Variants in PARP4 observed in about 807,000 individuals in gnomAD.
PARP4 encodes the protein poly(ADP-ribose) polymerase family member 4.
A neutral mutation model predicts 187.7 loss-of-function variants in PARP4; 120 were observed. The ratio of observed to expected loss-of-function variants is 0.64; its 90% CI spans 0.55 to 0.74. The LOEUF (loss-of-function observed/expected upper bound fraction) is 0.74, where lower values mean the gene tolerates loss of function less well. PARP4 is among the 30% of genes least tolerant of loss of function. The pLI is 0.00. For missense variants in PARP4, 1,836 were observed against 2,070.5 expected, an observed-to-expected ratio of 0.89 and a Z score of 2.20; for synonymous variants, 654 against 740.9, an observed-to-expected ratio of 0.88 and a Z score of 1.90.
At chr13:24,499,888 G>A (rs1244584371) in intron 4 of PARP4, among the ~76,000 whole-genome samples, 2 of 151,986 alleles carry the variant, frequency 1.3e-5, no homozygotes, top group African/African-American at 2.4e-5. Context: ...CGATGTTTTG[G>A]GTATGCTTTA....
chr13:24,428,038 A>G (rs1210852479), intron 32 of PARP4, among the ~76,000 whole-genome samples: 3 of 152,214 alleles, frequency 2.0e-5, no homozygotes, highest in African/African-American at 4.8e-5. Context: ...GAAGAAGAGG[A>G]TAAAAGACAA....
At chr13:24,472,370 G>T (rs909007732) in intron 15 of PARP4, among the ~76,000 whole-genome samples, 3 of 152,146 alleles carry the variant, frequency 2.0e-5, no homozygotes, top group African/African-American at 7.2e-5. Flanking sequence ...TTGAGGATGT[G>T]TGTATGGGTC....
chr13:24,440,971 C>T (rs1288305765), intron 30 of PARP4, among the ~76,000 whole-genome samples: 8 of 152,058 alleles, frequency 5.3e-5, no homozygotes, highest in Admixed American at 5.2e-4. Context: ...TTCCTAGGTG[C>T]AAGCATCCTC....
In PARP4 at chr13:24,503,722, G is replaced by T. The variant is rs1222225293; in HGVS notation, c.55C>A (p.Pro19Thr). The change falls in exon 2 of 34, where the codon CCT becomes ACT. Residue 19 changes from proline to threonine, a missense_variant. Coordinates refer to ENST00000381989, the MANE Select transcript of PARP4 (RefSeq NM_006437.4). ...CIFCLKVKYL[P>T]QQQKKKLQTD... ...TGTAGCTTTTTCTTCTGCTGCTGAG[G>T]TAAGTACTTCACTTTCAAACAGAAG... 6.2e-7 allele frequency: 1 copy of T among 1,613,766 alleles called. No homozygotes were observed. The highest frequency in any genetic ancestry group is 8.5e-7 in the Non-Finnish European group (1 of 1,179,690).
chr13:24,504,307 CTTTTTTTTTTT>C (rs11434017), intron 1 of PARP4, among the ~76,000 whole-genome samples: 2 of 87,356 alleles, frequency 2.3e-5, no homozygotes, highest in African/African-American at 9.5e-5. Context: ...CATTTAGGTT[CTTTTTTTTTTT>C]TTTTTTTTTT....
chr13:24,484,959 T>C (rs17384871), intron 11 of PARP4, among the ~76,000 whole-genome samples: 56,521 of 152,126 alleles, frequency 0.37, 10,826 homozygotes, highest in Middle Eastern at 0.43. Flanking sequence ...GGAGATTGAA[T>C]GAATTTTGTA....
At position 24,503,749 on chromosome 13, in the gene PARP4, T is replaced by C. The variant is rs1869444162; in HGVS notation, c.28A>G (p.Ile10Val). Reference sequence around the variant, plus strand: ...AAGTACTTCACTTTCAAACAGAAGATACAATTTGCAAAGATTCCCATCACC... The same window carrying C: ...AAGTACTTCACTTTCAAACAGAAGACACAATTTGCAAAGATTCCCATCACC... MVMGIFANCIFCLKVKYLPQ... is the reference protein window; with the variant it reads MVMGIFANCVFCLKVKYLPQ... The change falls in exon 2 of 34, where the codon ATC becomes GTC. Residue 10 changes from isoleucine (I) to valine (V), a missense_variant. Ile to Val is a conservative substitution (Grantham distance 29, BLOSUM62 3). Around this residue, in one of 8 missense-constraint regions of PARP4, gnomAD observed 1,147 missense variants for 1,214.2 expected, o/e 0.94. Coordinates refer to ENST00000381989, the MANE Select transcript of PARP4 (RefSeq NM_006437.4). 1 of 1,614,040 alleles carries C rather than the reference T, an allele frequency of 6.2e-7. No homozygotes were observed. Among genetic ancestry groups the C allele is most frequent in the African/African-American group, 1.3e-5 (1 of 74,930 alleles).
In PARP4 at chr13:24,459,471, C is replaced by T. The variant is rs541408082; in HGVS notation, c.2299-161G>A. Reference sequence around the variant, plus strand: ...AAGTTTGCTCATGGAATGACAGGAACTTCTAAAATACAACTCACCATTTTG... The same window carrying T: ...AAGTTTGCTCATGGAATGACAGGAATTTCTAAAATACAACTCACCATTTTG... On this transcript the variant is annotated intron_variant, in intron 18 of 33. Coordinates refer to ENST00000381989, the MANE Select transcript of PARP4 (RefSeq NM_006437.4). 2.4e-5 allele frequency: 14 copies of T among 593,480 alleles called. No homozygotes were observed. In the Admixed American group the frequency reaches 4.5e-4, roughly 19 times the overall value. The allele number at this position is 593,480 out of a possible 1,614,324, so 36.8% of individuals were successfully genotyped here. A position where few individuals can be genotyped will look rare whatever the true frequency, so the allele number is the denominator to read the frequency against.
intron 15 of PARP4, among the ~76,000 whole-genome samples, chr13:24,470,771 T>C (rs1371465800): frequency 6.6e-6 from 1 of 152,106 alleles, no homozygotes; most frequent in Non-Finnish European, 1.5e-5. Context: ...AAATCTAACT[T>C]ATTTGAAAAC....
At chr13:24,436,116 A>T (rs1463877376) in intron 30 of PARP4, among the ~76,000 whole-genome samples, 2 of 152,134 alleles carry the variant, frequency 1.3e-5, no homozygotes, top group Non-Finnish European at 2.9e-5. Context: ...CATTTTACAC[A>T]TGAGGGAACT....
intron 1 of PARP4, among the ~76,000 whole-genome samples, chr13:24,509,819 G>C (rs1234752528): frequency 1.3e-5 from 2 of 151,878 alleles, no homozygotes; most frequent in African/African-American, 4.8e-5. Context: ...TCGTGCCTCA[G>C]CCTCCAAGTA....
chr13:24,451,297 A>G (rs1312158333), intron 24 of PARP4, among the ~76,000 whole-genome samples: 1 of 151,820 alleles, frequency 6.6e-6, no homozygotes, highest in Non-Finnish European at 1.5e-5. Flanking sequence ...ATCAGGAACA[A>G]CTCCTGGTGG....
intron 2 of PARP4, among the ~76,000 whole-genome samples, 192 bp downstream of exon 2, chr13:24,503,453 G>T (rs1035055170): frequency 6.6e-6 from 1 of 152,154 alleles, no homozygotes; most frequent in Non-Finnish European, 1.5e-5. Flanking sequence ...GAACAGGGAG[G>T]GGACAGGGCT....
chr13:24,507,200 C>T (rs1030962000), intron 1 of PARP4, among the ~76,000 whole-genome samples: 6 of 152,350 alleles, frequency 3.9e-5, no homozygotes, highest in African/African-American at 1.4e-4. Context: ...GCTGAAGGAG[C>T]CGGCTCCGGC....
chr13:24,487,311 G>C (rs1320278015), intron 10 of PARP4, among the ~76,000 whole-genome samples: 2 of 148,890 alleles, frequency 1.3e-5, no homozygotes, highest in African/African-American at 5.0e-5. Context: ...AGGAAACCAA[G>C]CAGGTTTGGA....
intron 1 of PARP4, among the ~76,000 whole-genome samples, chr13:24,510,110 T>C (rs1324882590): frequency 6.6e-6 from 1 of 152,234 alleles, no homozygotes; most frequent in Non-Finnish European, 1.5e-5. Context: ...CTTTACTTTT[T>C]AAATAGGACT....
At chr13:24,494,350 T>G (rs1421249362) in intron 7 of PARP4, among the ~76,000 whole-genome samples, 1 of 152,064 alleles carries the variant, frequency 6.6e-6, no homozygotes, top group Non-Finnish European at 1.5e-5. Flanking sequence ...TACACCACCA[T>G]TCCTGGGTAA....
chr13:24,437,575 A>G (rs916313687), intron 30 of PARP4, among the ~76,000 whole-genome samples: 1 of 136,110 alleles, frequency 7.3e-6, no homozygotes, highest in African/African-American at 2.8e-5. Flanking sequence ...GATAACACCC[A>G]GGAAGTGATA....
intron 27 of PARP4, among the ~76,000 whole-genome samples, chr13:24,444,453 T>A (rs1288724510): frequency 6.6e-6 from 1 of 152,256 alleles, no homozygotes; most frequent in Non-Finnish European, 1.5e-5. Flanking sequence ...AAGTCAATGA[T>A]ACCGATTTAG....
Sources: gnomAD v4.1 joint callset for allele counts (sites outside exome capture counted in the v4.1 genomes callset) on GRCh38, gnomAD v4.1.1 for gene constraint, gnomAD v4.1.1 regional missense constraint, MANE v1.5 for transcripts, NCBI Gene and HGNC (gene_info 2026-07-23, HGNC 2026-07-21) for gene names.